CCDC178: variants seen among roughly 807,000 people sequenced by gnomAD.
CCDC178 encodes the protein coiled-coil domain-containing protein 178.
CCDC178 carries 126 observed loss-of-function variants against 117.4 expected under a neutral mutation model. The ratio of observed to expected loss-of-function variants is 1.07; its 90% confidence interval spans 0.93 to 1.24. CCDC178 has a LOEUF of 1.24. CCDC178 is among the 50% of genes most tolerant of loss of function. The pLI, the probability that CCDC178 is intolerant of heterozygous loss-of-function variation, is 0.00. For synonymous variants in CCDC178, 283 were observed against 313.4 expected, an observed-to-expected ratio of 0.90 and a Z score of 1.02; for missense variants, 1,030 against 986.9, an observed-to-expected ratio of 1.04 and a Z score of -0.59.
At chr18:33,144,690 G>A (rs1262774247) in intron 20 of CCDC178, among the ~76,000 whole-genome samples, 1 of 152,064 alleles carries the variant, frequency 6.6e-6, no homozygotes, top group Non-Finnish European at 1.5e-5. Context: ...GGAAATAATT[G>A]TAGAAGCAAT....
chr18:32,977,504 C>T (rs2055052319), intron 21 of CCDC178, among the ~76,000 whole-genome samples: 1 of 152,178 alleles, frequency 6.6e-6, no homozygotes, highest in African/African-American at 2.4e-5. Flanking sequence ...TCAGACCTTA[C>T]TTTACTAGTT....
At chr18:33,372,541 A>G (rs2063312946) in intron 5 of CCDC178, among the ~76,000 whole-genome samples, 2 of 152,068 alleles carry the variant, frequency 1.3e-5, no homozygotes, top group African/African-American at 4.8e-5. Flanking sequence ...GGTCAGTGTG[A>G]GTATATTAAG....
intron 20 of CCDC178, among the ~76,000 whole-genome samples, chr18:33,109,213 T>A (rs984085879): frequency 6.6e-6 from 1 of 151,716 alleles, no homozygotes; most frequent in African/African-American, 2.4e-5. Flanking sequence ...AACCCACTAT[T>A]ACAAATATAC....
chr18:33,259,934 A>G (rs143365220), intron 14 of CCDC178, among the ~76,000 whole-genome samples: 28 of 152,306 alleles, frequency 1.8e-4, no homozygotes, highest in African/African-American at 5.8e-4. Flanking sequence ...TATTTATTTT[A>G]AAAGTAACAT....
chr18:33,388,669 G>A (rs1440503359), intron 5 of CCDC178, among the ~76,000 whole-genome samples: 5 of 149,484 alleles, frequency 3.3e-5, no homozygotes, highest in Non-Finnish European at 5.9e-5. Context: ...ACAGGCGCCC[G>A]CCACTACGCC....
intron 5 of CCDC178, among the ~76,000 whole-genome samples, chr18:33,387,581 G>A (rs886461189): frequency 2.6e-5 from 4 of 152,054 alleles, no homozygotes; most frequent in East Asian, 1.9e-4. Flanking sequence ...TCTGATCTTC[G>A]ACAAACTCGA....
intron 20 of CCDC178, among the ~76,000 whole-genome samples, chr18:33,102,254 T>G (rs878866221): frequency 1.3e-5 from 2 of 151,756 alleles, no homozygotes; most frequent in Admixed American, 1.3e-4. Flanking sequence ...GGGTCCCCCC[T>G]AATTTCAGTC....
At chr18:33,437,255 C>T (rs1445258935) in intron 2 of CCDC178, among the ~76,000 whole-genome samples, 1 of 152,108 alleles carries the variant, frequency 6.6e-6, no homozygotes, top group African/African-American at 2.4e-5. Context: ...CTCATTTACA[C>T]AAAGAAAATT....
At chr18:32,992,864 A>C (rs2055422732) in intron 21 of CCDC178, among the ~76,000 whole-genome samples, 1 of 152,156 alleles carries the variant, frequency 6.6e-6, no homozygotes. Context: ...ATTTCCTTTA[A>C]TTAAACTCAA....
intron 21 of CCDC178, among the ~76,000 whole-genome samples, chr18:33,085,871 C>G (rs1381599371): frequency 6.6e-6 from 1 of 151,814 alleles, no homozygotes; most frequent in African/African-American, 2.4e-5. Flanking sequence ...TATACATTTT[C>G]CATATTAATA....
chr18:33,357,729 C>G (rs930454331), intron 6 of CCDC178, among the ~76,000 whole-genome samples: 23 of 152,014 alleles, frequency 1.5e-4, no homozygotes, highest in African/African-American at 4.8e-4. Flanking sequence ...TAGATTATCT[C>G]TCATTCAAGA....
chr18:33,227,231 G>C (rs528523288), intron 15 of CCDC178, among the ~76,000 whole-genome samples: 8 of 150,148 alleles, frequency 5.3e-5, no homozygotes, highest in Non-Finnish European at 1.2e-4. Context: ...ATAGATGCAA[G>C]TCAAGTGTGA....
chr18:33,336,927 C>T (rs1407575975), intron 9 of CCDC178, among the ~76,000 whole-genome samples: 1 of 151,848 alleles, frequency 6.6e-6, no homozygotes, highest in Non-Finnish European at 1.5e-5. Flanking sequence ...TTTTCTAGTT[C>T]TGTGAAGAAT....
At chr18:33,133,529 C>A (rs185745058) in intron 20 of CCDC178, among the ~76,000 whole-genome samples, 58 of 151,974 alleles carry the variant, frequency 3.8e-4, no homozygotes, top group African/African-American at 1.4e-3. Flanking sequence ...GTCACTAAAT[C>A]TTTCTTTAAT....
At chr18:33,232,719 A>T (rs2059381471) in intron 15 of CCDC178, among the ~76,000 whole-genome samples, 1 of 152,192 alleles carries the variant, frequency 6.6e-6, no homozygotes, top group South Asian at 2.1e-4. Flanking sequence ...AATATTTTAA[A>T]TTACAAAAAG....
intron 6 of CCDC178, among the ~76,000 whole-genome samples, chr18:33,364,732 C>CT (rs34988094): frequency 0.22 from 24,819 of 110,754 alleles, 3,189 homozygotes; most frequent in East Asian, 0.47. Context: ...GTTGTCGCTC[C>CT]TTTTTTTTTT....
intron 15 of CCDC178, among the ~76,000 whole-genome samples, chr18:33,234,182 T>G (rs2059400149): frequency 6.6e-6 from 1 of 152,164 alleles, no homozygotes; most frequent in Non-Finnish European, 1.5e-5. Flanking sequence ...TGAACTCTTC[T>G]GATGCTTGAC....
chr18:33,301,442 G>A (rs1161739275), intron 11 of CCDC178, among the ~76,000 whole-genome samples: 1 of 152,204 alleles, frequency 6.6e-6, no homozygotes, highest in Non-Finnish European at 1.5e-5. Context: ...GGAGCTGTGG[G>A]AAGATGGCTG....
chr18:33,126,375 G>A (rs1259431693), intron 20 of CCDC178, among the ~76,000 whole-genome samples: 2 of 148,496 alleles, frequency 1.3e-5, no homozygotes, highest in African/African-American at 4.9e-5. Context: ...ATGTATGTAT[G>A]TGTTAATGCT....
Sources: gnomAD v4.1 joint callset for allele counts (sites outside exome capture counted in the v4.1 genomes callset) on GRCh38, gnomAD v4.1.1 for gene constraint, MANE v1.5 for transcripts, NCBI Gene and HGNC (gene_info 2026-07-23, HGNC 2026-07-21) for gene names.